The following MYO16 variants were observed in gnomAD, a reference collection of about 807,000 sequenced individuals.
The protein encoded by MYO16 is myosin XVI.
MYO16 carries 94 observed loss-of-function variants against 205.3 expected under a neutral mutation model. The observed-to-expected ratio is 0.46, with a 90% CI of 0.39 to 0.54. The LOEUF (loss-of-function observed/expected upper bound fraction) is 0.54. MYO16 is among the 20% of genes least tolerant of loss of function. The probability of loss-of-function intolerance (pLI) is 0.00; values close to 1 mark genes in which losing one functional copy is unlikely to be tolerated. For missense variants in MYO16, 2,315 were observed against 2,387.5 expected (o/e 0.97, Z 0.63); for synonymous variants, 988 against 954.0 (o/e 1.04, Z -0.66).
intron 31 of MYO16, among the ~76,000 whole-genome samples, chr13:109,139,222 G>T (rs1876919330): frequency 6.6e-6 from 1 of 152,108 alleles, no homozygotes; most frequent in Admixed American, 6.5e-5. Flanking sequence ...CAAAGAGCTG[G>T]GATTACAGGT....
chr13:108,641,515 A>G (rs1309568773), intron 1 of MYO16, among the ~76,000 whole-genome samples: 2 of 152,104 alleles, frequency 1.3e-5, no homozygotes, highest in Non-Finnish European at 2.9e-5. Context: ...GATTAAGGAA[A>G]GACATTCCTC....
chr13:108,927,496 G>T (rs2391677), intron 16 of MYO16, among the ~76,000 whole-genome samples: 38,835 of 152,044 alleles, frequency 0.26, 6,004 homozygotes, highest in South Asian at 0.42. Context: ...TAGGTGCAGT[G>T]GGAGCCACCC....
chr13:108,832,388 C>G (rs911534314), intron 9 of MYO16, among the ~76,000 whole-genome samples: 1 of 151,668 alleles, frequency 6.6e-6, no homozygotes, highest in Non-Finnish European at 1.5e-5. Context: ...GTGATCCACC[C>G]GCCTCAGCCT....
At chr13:108,831,517 A>G (rs1314581179) in intron 9 of MYO16, among the ~76,000 whole-genome samples, 1 of 152,020 alleles carries the variant, frequency 6.6e-6, no homozygotes. Flanking sequence ...AATGAAAGTT[A>G]CTTTCTTTTT....
At chr13:109,092,117 A>G (rs74119819) in intron 27 of MYO16, among the ~76,000 whole-genome samples, 166 of 152,362 alleles carry the variant, frequency 1.1e-3, no homozygotes, top group African/African-American at 3.9e-3. Flanking sequence ...CTGAAACAAC[A>G]TAAGTTTTAC....
chr13:108,970,765 G>A (rs912020360), intron 20 of MYO16, among the ~76,000 whole-genome samples: 9 of 152,164 alleles, frequency 5.9e-5, no homozygotes, highest in Non-Finnish European at 8.8e-5. Context: ...TGTGCTGGTT[G>A]CTCCCACCCC....
intron 23 of MYO16, among the ~76,000 whole-genome samples, chr13:109,022,731 A>AAAGATT (rs1555325090): frequency 9.6e-6 from 1 of 104,340 alleles, no homozygotes; most frequent in African/African-American, 3.8e-5. Flanking sequence ...AAACATATGT[A>AAAGATT]TATATTATAT....
At chr13:109,195,929 G>A (rs1448953944) in intron 34 of MYO16, among the ~76,000 whole-genome samples, 1 of 152,052 alleles carries the variant, frequency 6.6e-6, no homozygotes, top group Admixed American at 6.5e-5. Context: ...CCTCATAATT[G>A]TCCAATAGGA....
intron 1 of MYO16, among the ~76,000 whole-genome samples, chr13:108,611,326 T>A (rs968968893): frequency 1.3e-5 from 2 of 152,134 alleles, no homozygotes; most frequent in Admixed American, 1.3e-4. Flanking sequence ...ATCAAATTAA[T>A]CATTTTAAAA....
intron 33 of MYO16, among the ~76,000 whole-genome samples, chr13:109,178,982 T>A (rs903897871): frequency 8.5e-5 from 13 of 152,242 alleles, no homozygotes; most frequent in Admixed American, 3.3e-4. Context: ...GCTCATGAAT[T>A]GGTGTGTTGT....
rs1407285269 is a variant in MYO16, at chr13:108,939,339, CG to C, written c.1926-18344del. ...CCTCTGCCAGGGTTGCTGGGGTCCC[CG>C]GGGGAAAGGGGAGTCACAGAGGGAT... On this transcript the variant is annotated intron_variant, in intron 16 of 34. Transcript: ENST00000457511. Among the ~76,000 whole-genome samples the C allele has an allele frequency of 3.9e-5, 6 of 152,244 alleles. No individual in the cohort carries two copies. In the East Asian group the frequency reaches 1.2e-3, roughly 29 times the overall value.
chr13:109,080,226 C>T (rs1307884283), intron 27 of MYO16, among the ~76,000 whole-genome samples: 1 of 152,042 alleles, frequency 6.6e-6, no homozygotes, highest in Non-Finnish European at 1.5e-5. Flanking sequence ...TAATATTTTT[C>T]TATATGGATA....
intron 8 of MYO16, among the ~76,000 whole-genome samples, chr13:108,821,716 G>A (rs897579598): frequency 2.6e-5 from 4 of 152,076 alleles, no homozygotes; most frequent in African/African-American, 9.7e-5. Flanking sequence ...GTCCAGGCAT[G>A]GCAGTTGACA....
At chr13:108,573,817 G>A in the MYO16 span, among the ~76,000 whole-genome samples, 1 of 152,138 alleles carries the variant, frequency 6.6e-6, no homozygotes, top group African/African-American at 2.4e-5. Context: ...GTCAGGTTCA[G>A]TATATTTCAT....
chr13:108,781,436 C>T (rs987965089), intron 4 of MYO16, among the ~76,000 whole-genome samples: 7 of 152,212 alleles, frequency 4.6e-5, no homozygotes, highest in Admixed American at 6.5e-5. Flanking sequence ...CAGCAGCTCT[C>T]TCAGCAGCAG....
chr13:108,967,153 A>ATGTGTGTGTGTGTG lies in MYO16; in HGVS notation c.2369+2252_2369+2253insGTGTGTGTGTGTGT, dbSNP rs568054141. Among the ~76,000 whole-genome samples, 75 of 150,960 alleles carry ATGTGTGTGTGTGTG rather than the reference A, an allele frequency of 5.0e-4. No individual in the cohort carries two copies. In the East Asian group the frequency reaches 5.8e-3, roughly 12 times the overall value. On this transcript the variant is annotated intron_variant, in intron 20 of 34. Transcript: ENST00000457511. ...ATACAGACATGTATACTGACTATATATATGTGTGTGTGTGTGTGTGTGTGT... is the reference window on the plus strand; with the variant it reads ...ATACAGACATGTATACTGACTATATATGTGTGTGTGTGTGTATGTGTGTGTGTGTGTGTGTGTGT...
intron 27 of MYO16, among the ~76,000 whole-genome samples, chr13:109,093,558 T>C (rs538563876): frequency 6.6e-6 from 1 of 152,122 alleles, no homozygotes; most frequent in Non-Finnish European, 1.5e-5. Flanking sequence ...TAAATAGCAT[T>C]AGTCTGGGGA....
intron 1 of MYO16, among the ~76,000 whole-genome samples, chr13:108,599,665 A>T (rs1176387225): frequency 6.6e-6 from 1 of 152,058 alleles, no homozygotes; most frequent in Non-Finnish European, 1.5e-5. Context: ...TGCATTAAAA[A>T]AAATATCAAA....
intron 7 of MYO16, among the ~76,000 whole-genome samples, chr13:108,813,533 C>T (rs1009312351): frequency 2.6e-5 from 4 of 152,146 alleles, no homozygotes; most frequent in Non-Finnish European, 5.9e-5. Flanking sequence ...GAGATACTTT[C>T]ACTCTCAAGA....
Sources: gnomAD v4.1 joint callset for allele counts (sites outside exome capture counted in the v4.1 genomes callset) on GRCh38, gnomAD v4.1.1 for gene constraint, MANE v1.5 for transcripts, NCBI Gene and HGNC (gene_info 2026-07-23, HGNC 2026-07-21) for gene names.